Variants in ANO2 observed in about 807,000 individuals in gnomAD.
ANO2 encodes the protein anoctamin-2.
ANO2 carries 101 observed loss-of-function variants against 124.2 expected under a neutral mutation model. The ratio of observed to expected loss-of-function variants is 0.81; its 90% confidence interval spans 0.69 to 0.96. ANO2 has a LOEUF of 0.96. Among genes scored for constraint, ANO2 ranks in the 40% least tolerant of loss-of-function variants. The pLI, the probability that ANO2 is intolerant of heterozygous loss-of-function variation, is 0.00. For synonymous variants in ANO2, 486 were observed against 482.5 expected, an observed-to-expected ratio of 1.01 and a Z score of -0.09; for missense variants, 1,293 against 1,274.5, an observed-to-expected ratio of 1.01 and a Z score of -0.22.
intron 16 of ANO2, among the ~76,000 whole-genome samples, chr12:5,619,492 G>A (rs913553358): frequency 1.3e-5 from 2 of 152,190 alleles, no homozygotes; most frequent in Non-Finnish European, 2.9e-5. Flanking sequence ...AGATTGGCCA[G>A]GGGCTCATCA....
intron 1 of ANO2, 55 bp from the exon 2 acceptor site, chr12:5,922,859 G>T: frequency 7.0e-7 from 1 of 1,430,574 alleles, no homozygotes; most frequent in Non-Finnish European, 9.2e-7. Context: ...GGAAATCCAA[G>T]ACACTGAGGT....
At chr12:5,735,433 C>T (rs1469146417) in intron 13 of ANO2, among the ~76,000 whole-genome samples, 3 of 152,176 alleles carry the variant, frequency 2.0e-5, no homozygotes, top group Non-Finnish European at 4.4e-5. Flanking sequence ...TCATCAAGCA[C>T]CTGCTATACT....
At chr12:5,794,824 T>C (rs11612656) in intron 10 of ANO2, among the ~76,000 whole-genome samples, 5,405 of 152,260 alleles carry the variant, frequency 0.035, 112 homozygotes, top group African/African-American at 0.048. Context: ...TCGAGCTGAA[T>C]TGCCTTTCTC....
chr12:5,733,232 T>C (rs1591537841), intron 13 of ANO2: 2 of 380,364 alleles, frequency 5.3e-6, no homozygotes, highest in East Asian at 1.1e-4. Flanking sequence ...GAGTAACTCA[T>C]TGGCAAGTAA....
chr12:5,812,924 G>C (rs1230763490), intron 7 of ANO2, among the ~76,000 whole-genome samples: 1 of 134,656 alleles, frequency 7.4e-6, no homozygotes, highest in African/African-American at 2.8e-5. Flanking sequence ...AAAAGAAAGA[G>C]AGAGAAAGAG....
intron 11 of ANO2, among the ~76,000 whole-genome samples, chr12:5,750,090 C>A (rs57497341): frequency 0.14 from 21,522 of 152,016 alleles, 1,877 homozygotes; most frequent in African/African-American, 0.25. Context: ...GCCACCAAAC[C>A]AAGCCCAGCT....
Position 5,921,370 on chromosome 12 carries a change from G to A in ANO2, c.208-4C>T, listed in dbSNP as rs1341199660. The A allele has an allele frequency of 3.1e-6, 5 of 1,611,730 alleles. No individual in the cohort carries two copies. The highest frequency in any genetic ancestry group is 4.2e-6 in the Non-Finnish European group (5 of 1,178,374). On this transcript the variant is annotated splice_polypyrimidine_tract_variant and splice_region_variant and intron_variant, in intron 2 of 24. Coordinates refer to ENST00000682330, the MANE Select transcript of ANO2 (RefSeq NM_001364791.2). ...CATCCAGATAGTTGTTGATGACCTG[G>A]CCAGAGAGAGAGGAGAGGCAGGGCA...
chr12:5,634,429 T>C (rs1278327148), intron 16 of ANO2, among the ~76,000 whole-genome samples: 1 of 152,156 alleles, frequency 6.6e-6, no homozygotes, highest in Non-Finnish European at 1.5e-5. Flanking sequence ...GGGAAATCCC[T>C]ACATTCAGAG....
intron 14 of ANO2, among the ~76,000 whole-genome samples, chr12:5,692,970 G>A (rs928570892): frequency 3.3e-5 from 5 of 152,134 alleles, no homozygotes; most frequent in African/African-American, 9.7e-5. Context: ...TTCCTCGCAT[G>A]ACCCCCTGGG....
intron 14 of ANO2, among the ~76,000 whole-genome samples, chr12:5,700,086 G>C (rs4930790): frequency 3.9e-5 from 6 of 152,082 alleles, no homozygotes; most frequent in Admixed American, 3.9e-4. Flanking sequence ...TGCACCAAGC[G>C]GACCTAATAG....
At chr12:5,682,386 A>C (rs1244390759) in intron 14 of ANO2, among the ~76,000 whole-genome samples, 1 of 149,860 alleles carries the variant, frequency 6.7e-6, no homozygotes, top group African/African-American at 2.5e-5. Context: ...CTACTCCTCC[A>C]CCCCAGCTCT....
intron 16 of ANO2, among the ~76,000 whole-genome samples, chr12:5,618,064 G>T (rs1439005642): frequency 1.3e-5 from 2 of 152,188 alleles, no homozygotes; most frequent in African/African-American, 4.8e-5. Flanking sequence ...CTCATGAACA[G>T]GTTAATGCTG....
intron 10 of ANO2, among the ~76,000 whole-genome samples, chr12:5,788,472 C>T (rs556113538): frequency 6.6e-6 from 1 of 152,364 alleles, no homozygotes; most frequent in Admixed American, 6.5e-5. Flanking sequence ...ATCACTTTAA[C>T]TCCAGCACCT....
At chr12:5,755,594 C>T (rs1222006070) in intron 10 of ANO2, among the ~76,000 whole-genome samples, 3 of 151,930 alleles carry the variant, frequency 2.0e-5, no homozygotes, top group Non-Finnish European at 2.9e-5. Context: ...TGTGATGTTC[C>T]CCTTCCTGTG....
At chr12:5,603,636 G>C (rs1944050093) in intron 19 of ANO2, among the ~76,000 whole-genome samples, 1 of 152,130 alleles carries the variant, frequency 6.6e-6, no homozygotes, top group Non-Finnish European at 1.5e-5. Context: ...AATGCTTGCA[G>C]CATAGAGTAC....
intron 14 of ANO2, among the ~76,000 whole-genome samples, chr12:5,681,676 C>T (rs961763200): frequency 2.0e-5 from 3 of 152,234 alleles, no homozygotes; most frequent in African/African-American, 7.2e-5. Flanking sequence ...CTTCCTCTAA[C>T]CTTTTCCTTC....
Position 5,922,739 on chromosome 12 carries a change from CCTGGCCCCCT to C in ANO2, c.78_87del (p.Gly27AlafsTer137). On this transcript the variant is annotated frameshift_variant, in exon 2 of 25. Transcript: ENST00000682330. LOFTEE classifies it high-confidence loss of function. ...AGACACTGCTGTCCATGTTTGGGGC[CCTGGCCCCCT>C]CTGGACCCTGCCTGAGGGCTCAGCC... 6.3e-7 allele frequency: 1 copy of C among 1,599,946 alleles called. No homozygotes were observed. Among genetic ancestry groups the C allele is most frequent in the Non-Finnish European group, 8.5e-7 (1 of 1,174,164 alleles).
At chr12:5,672,193 A>G (rs562507465) in intron 14 of ANO2, among the ~76,000 whole-genome samples, 2 of 152,328 alleles carry the variant, frequency 1.3e-5, no homozygotes, top group East Asian at 3.9e-4. Context: ...GCCAAGAGAT[A>G]ATCAGCAGAG....
intron 15 of ANO2, among the ~76,000 whole-genome samples, chr12:5,640,745 G>A (rs894226212): frequency 2.6e-5 from 4 of 152,220 alleles, no homozygotes; most frequent in Admixed American, 6.5e-5. Flanking sequence ...AGAGGATGCG[G>A]AGAAATAGGA....
Sources: allele counts gnomAD v4.1 joint callset (sites outside exome capture counted in the v4.1 genomes callset), GRCh38; gene constraint gnomAD v4.1.1; transcripts MANE v1.5; gene names NCBI Gene and HGNC (gene_info 2026-07-23, HGNC 2026-07-21).